The following SNX29 variants were observed in gnomAD, a reference collection of about 807,000 sequenced individuals.
The protein encoded by SNX29 is sorting nexin 29, also known as sorting nexin-29.
SNX29 carries 78 observed loss-of-function variants against 102.1 expected under a neutral mutation model. The observed-to-expected ratio is 0.76, with a 90% CI of 0.64 to 0.92. SNX29 has a LOEUF of 0.92. Ranked by LOEUF, SNX29 falls within the 40% of genes least tolerant of loss-of-function variation. The pLI, the probability that SNX29 is intolerant of heterozygous loss-of-function variation, is 0.00. For missense variants in SNX29, 1,280 were observed against 1,061.7 expected (o/e 1.21, Z -2.86); for synonymous variants, 580 against 414.5 (o/e 1.40, Z -4.85).
chr16:12,107,831 G>A (rs1382272843), intron 11 of SNX29, among the ~76,000 whole-genome samples: 1 of 151,992 alleles, frequency 6.6e-6, no homozygotes. Context: ...CCGTCCATAG[G>A]AATTCTTCAT....
intron 15 of SNX29, among the ~76,000 whole-genome samples, chr16:12,332,491 C>T (rs2081319934): frequency 6.6e-6 from 1 of 152,120 alleles, no homozygotes; most frequent in South Asian, 2.1e-4. Context: ...GCGCCTTTTG[C>T]CTGTTAAAGT....
At chr16:12,463,220 C>T (rs570096248) in intron 18 of SNX29, among the ~76,000 whole-genome samples, 1 of 152,240 alleles carries the variant, frequency 6.6e-6, no homozygotes, top group Non-Finnish European at 1.5e-5. Flanking sequence ...CCAGATGTGA[C>T]AGCTGGGCCT....
At chr16:12,481,889 C>G (rs1230020339) in intron 19 of SNX29, among the ~76,000 whole-genome samples, 2 of 152,178 alleles carry the variant, frequency 1.3e-5, no homozygotes, top group Non-Finnish European at 2.9e-5. Context: ...GTGCATTTGG[C>G]TAAGACATAC....
chr16:12,254,679 G>A (rs980306936), intron 14 of SNX29, among the ~76,000 whole-genome samples: 1 of 152,088 alleles, frequency 6.6e-6, no homozygotes, highest in Admixed American at 6.5e-5. Flanking sequence ...GACCAGGGAG[G>A]AGACAAGACT....
chr16:12,137,655 C>T (rs2054711529), intron 13 of SNX29, among the ~76,000 whole-genome samples: 3 of 152,204 alleles, frequency 2.0e-5, no homozygotes, highest in Admixed American at 1.3e-4. Context: ...CCTCTGCCTT[C>T]CTTTGCTTTT....
intron 16 of SNX29, among the ~76,000 whole-genome samples, chr16:12,389,283 C>T (rs754030372): frequency 5.9e-5 from 9 of 152,124 alleles, no homozygotes; most frequent in Non-Finnish European, 1.3e-4. Flanking sequence ...GTGTCCCCAC[C>T]CAAATTTCAT....
At chr16:12,172,506 C>T (rs1402666420) in intron 13 of SNX29, among the ~76,000 whole-genome samples, 1 of 146,324 alleles carries the variant, frequency 6.8e-6, no homozygotes, top group African/African-American at 2.8e-5. Context: ...CACCATCCTT[C>T]ACCTCTCCTT....
intron 1 of SNX29, among the ~76,000 whole-genome samples, chr16:11,985,299 A>G (rs2055572383): frequency 6.6e-6 from 1 of 152,180 alleles, no homozygotes; most frequent in South Asian, 2.1e-4. Context: ...GGTTGTTACC[A>G]CTGGGGTCTG....
At chr16:12,298,085 G>A (rs2080041526) in intron 15 of SNX29, among the ~76,000 whole-genome samples, 2 of 152,212 alleles carry the variant, frequency 1.3e-5, no homozygotes, top group Non-Finnish European at 2.9e-5. Flanking sequence ...CAGGAGAATT[G>A]CTTGAACCCA....
At position 12,052,190 on chromosome 16, in the gene SNX29, G is replaced by A. The variant is rs2050334255; in HGVS notation, c.1092G>A (p.Arg364=). The A allele has an allele frequency of 1.2e-6, 2 of 1,613,948 alleles. No individual in the cohort carries two copies. Among genetic ancestry groups the A allele is most frequent in the South Asian group, 2.2e-5 (2 of 91,062 alleles). Residue 364 remains arginine (R), a synonymous_variant, in exon 8 of 21, where the codon AGG becomes AGA. Coordinates refer to ENST00000566228, the MANE Select transcript of SNX29 (RefSeq NM_032167.5). ...EDDVYGNSSG[R]KHRGHSESPE... is the part of the protein sequence containing the mutation. ...ACGTGTATGGAAACTCATCAGGAAG[G>A]AAGCACAGGGGCCACTCGGAGTCGC...
rs1293639803 is a variant in SNX29, at chr16:12,573,633, C to T, written c.*5004C>T. The T allele has an allele frequency of 1.4e-5, 3 of 221,364 alleles. No homozygotes were observed. The highest frequency in any genetic ancestry group is 1.8e-4 in the South Asian group (1 of 5,432). 13.7% of individuals were successfully genotyped at this position (221,364 alleles called of 1,614,324 possible). ...CTCTGCCGCTGGTCTCCATGAACGG[C>T]AAGGGGAACCACCACTCATTCACTG... is the stretch of plus-strand genomic sequence containing the variant. On this transcript the variant is annotated 3_prime_UTR_variant, in exon 21 of 21. Coordinates refer to ENST00000566228, the MANE Select transcript of SNX29 (RefSeq NM_032167.5).
At chr16:12,150,177 C>T (rs1255327651) in intron 13 of SNX29, among the ~76,000 whole-genome samples, 1 of 152,094 alleles carries the variant, frequency 6.6e-6, no homozygotes, top group Non-Finnish European at 1.5e-5. Context: ...GAGCCATAAT[C>T]CCCTCCTGGG....
intron 18 of SNX29, among the ~76,000 whole-genome samples, chr16:12,441,245 A>G (rs1324017638): frequency 2.0e-5 from 3 of 151,586 alleles, no homozygotes; most frequent in Non-Finnish European, 4.4e-5. Flanking sequence ...CTGCCACTGC[A>G]CCCGGCTGAT....
chr16:12,548,410 C>T (rs187817461), intron 20 of SNX29, among the ~76,000 whole-genome samples: 36 of 152,330 alleles, frequency 2.4e-4, no homozygotes, highest in East Asian at 1.2e-3. Context: ...TGTAACCTAC[C>T]TCTGGCTCCC....
intron 18 of SNX29, among the ~76,000 whole-genome samples, chr16:12,435,145 G>A (rs768772373): frequency 1.3e-5 from 2 of 152,138 alleles, no homozygotes; most frequent in African/African-American, 2.4e-5. Flanking sequence ...CAGAGAATGT[G>A]TGCACCCTGC....
Position 12,568,819 on chromosome 16 carries a change from C to T in SNX29, c.*190C>T, listed in dbSNP as rs944716178. On this transcript the variant is annotated 3_prime_UTR_variant, in exon 21 of 21. Coordinates refer to ENST00000566228, the MANE Select transcript of SNX29 (RefSeq NM_032167.5). ...CTTCGAGCCGCATGATACCGTGACC[C>T]GAGAGACCAAGGCAGCACCTCGCTG... is the stretch of plus-strand genomic sequence containing the variant. 18 of 908,530 alleles carry T rather than the reference C, an allele frequency of 2.0e-5. No individual in the cohort carries two copies. The highest frequency in any genetic ancestry group is 8.4e-5 in the African/African-American group (5 of 59,432). The allele number at this position is 908,530 out of a possible 1,614,324, so 56.3% of individuals were successfully genotyped here.
At chr16:12,115,171 C>G (rs961073884) in intron 11 of SNX29, among the ~76,000 whole-genome samples, 5 of 152,128 alleles carry the variant, frequency 3.3e-5, no homozygotes, top group East Asian at 3.9e-4. Context: ...CGTCCCTCCC[C>G]CTCCGTTGCT....
intron 20 of SNX29, among the ~76,000 whole-genome samples, chr16:12,538,431 A>C (rs956982688): frequency 1.3e-5 from 2 of 152,146 alleles, no homozygotes; most frequent in African/African-American, 4.8e-5. Context: ...GTAATAACTG[A>C]GAATGGTTAC....
rs118124407 is a variant in SNX29 at position 12,569,588 on chromosome 16, C to T, written c.*959C>T. 0.015 allele frequency: 3,422 copies of T among 229,930 alleles called. 31 individuals are homozygous for T. The highest frequency in any genetic ancestry group is 0.022 in the Non-Finnish European group (2,561 of 116,138). The allele number at this position is 229,930 out of a possible 1,614,324, so 14.2% of individuals were successfully genotyped here. The stretch of plus-strand genomic sequence containing the variant: ...CTCTCCACTAAAAACATTTTCCATC[C>T]CGTCTGCCCCCGACATTGTCCTTGA... On this transcript the variant is annotated 3_prime_UTR_variant, in exon 21 of 21. Coordinates refer to ENST00000566228, the MANE Select transcript of SNX29 (RefSeq NM_032167.5).
Sources: gnomAD v4.1 joint callset for allele counts (sites outside exome capture counted in the v4.1 genomes callset) on GRCh38, gnomAD v4.1.1 for gene constraint, MANE v1.5 for transcripts, NCBI Gene and HGNC (gene_info 2026-07-23, HGNC 2026-07-21) for gene names.